NRG2: variants seen among roughly 807,000 people sequenced by gnomAD.
NRG2 encodes the protein neuregulin 2, also known as pro-neuregulin-2, membrane-bound isoform.
Under a neutral mutation model 73.9 loss-of-function variants are expected in NRG2, and 27 were observed. The observed-to-expected ratio is 0.37, with a 90% CI of 0.27 to 0.50. The LOEUF (loss-of-function observed/expected upper bound fraction) is 0.50, where lower values mean the gene tolerates loss of function less well. NRG2 is among the 20% of genes least tolerant of loss of function. The pLI is 0.96. For synonymous variants in NRG2, 532 were observed against 541.0 expected (o/e 0.98, Z 0.23); for missense variants, 1,126 against 1,210.1 (o/e 0.93, Z 1.03).
Position 139,890,152 on chromosome 5 carries a change from G to T in NRG2, c.701-2641C>A, listed in dbSNP as rs181745302. Among the ~76,000 whole-genome samples the T allele has an allele frequency of 1.9e-3, 285 of 152,188 alleles. 1 individual carries two copies. Among genetic ancestry groups the T allele is most frequent in the Middle Eastern group, 6.8e-3 (2 of 294 alleles). On this transcript the variant is annotated intron_variant, in intron 1 of 9. Transcript: ENST00000361474. ...ACTCACCAACACGAGGTATTATCAT[G>T]TCTTTAATCTTTGCCAATTAGCTAG... is the stretch of plus-strand genomic sequence containing the variant.
intron 1 of NRG2, among the ~76,000 whole-genome samples, chr5:139,982,719 T>G (rs1756900679): frequency 6.6e-6 from 1 of 152,172 alleles, no homozygotes; most frequent in East Asian, 1.9e-4. Context: ...TCTTTACAAC[T>G]TTCGGGTGTT....
chr5:140,029,038 C>G (rs534196107), intron 1 of NRG2, among the ~76,000 whole-genome samples: 1 of 152,124 alleles, frequency 6.6e-6, no homozygotes. Context: ...ATGACCTTGT[C>G]GCAACTAGTG....
intron 3 of NRG2, among the ~76,000 whole-genome samples, chr5:139,876,644 A>G (rs1763193370): frequency 6.6e-6 from 1 of 152,060 alleles, no homozygotes; most frequent in Non-Finnish European, 1.5e-5. Flanking sequence ...CCGACTGCCC[A>G]CAAGTGCAGC....
intron 3 of NRG2, among the ~76,000 whole-genome samples, chr5:139,877,106 C>T (rs73791218): frequency 0.062 from 9,378 of 152,194 alleles, 768 homozygotes; most frequent in African/African-American, 0.19. Context: ...GTACAGCCAC[C>T]TCAGGACATT....
chr5:139,910,504 A>AAAAC (rs577987365), intron 1 of NRG2, among the ~76,000 whole-genome samples: 1 of 152,236 alleles, frequency 6.6e-6, no homozygotes, highest in Non-Finnish European at 1.5e-5. Flanking sequence ...CTTCAAAACA[A>AAAAC]AAACAAACAA....
intron 1 of NRG2, among the ~76,000 whole-genome samples, chr5:139,955,761 C>T (rs1176660360): frequency 6.6e-6 from 1 of 152,054 alleles, no homozygotes; most frequent in Admixed American, 6.5e-5. Flanking sequence ...CATGCAAGCC[C>T]AGTGAGTTGA....
intron 1 of NRG2, among the ~76,000 whole-genome samples, chr5:140,002,108 T>C (rs1758534887): frequency 6.6e-6 from 1 of 152,014 alleles, no homozygotes; most frequent in Non-Finnish European, 1.5e-5. Flanking sequence ...CACTTGAGCC[T>C]GGGAGGTCAA....
At chr5:139,849,299 C>A (rs1761251430) in intron 9 of NRG2, among the ~76,000 whole-genome samples, 1 of 152,194 alleles carries the variant, frequency 6.6e-6, no homozygotes, top group Non-Finnish European at 1.5e-5. Flanking sequence ...CCATTAGTCT[C>A]CATTCAGATA....
chr5:139,962,654 C>T (rs989764108), intron 1 of NRG2, among the ~76,000 whole-genome samples: 36 of 152,168 alleles, frequency 2.4e-4, no homozygotes, highest in Non-Finnish European at 3.8e-4. Context: ...GCTTCTTCAT[C>T]CTTCCCAAGC....
chr5:139,905,801 G>C (rs1312441581), intron 1 of NRG2, among the ~76,000 whole-genome samples: 3 of 152,058 alleles, frequency 2.0e-5, no homozygotes, highest in African/African-American at 7.2e-5. Flanking sequence ...AGGGGCCCTG[G>C]GCAGAACCAG....
rs1298154052 is a variant in NRG2, at chr5:139,852,461, G to A, written c.1515C>T (p.Cys505=). 2.5e-6 allele frequency: 4 copies of A among 1,614,020 alleles called. No individual in the cohort carries two copies. The highest frequency in any genetic ancestry group is 3.4e-6 in the Non-Finnish European group (4 of 1,179,966). ...GSHSCSPSHH[C]STATPTSSHR... ...GGCTGGAGGTGGGTGTGGCTGTGGA[G>A]CAGTGGTGAGAAGGAGAACAGGAGT... Residue 505 remains cysteine, a synonymous_variant, in exon 8 of 10, where the codon TGC becomes TGT. Transcript: ENST00000361474. The surrounding 1 kb of genome is among the most constrained non-coding windows in gnomAD (Gnocchi z 4.4).
intron 1 of NRG2, among the ~76,000 whole-genome samples, chr5:140,028,712 TGTCC>T: frequency 6.6e-6 from 1 of 152,288 alleles, no homozygotes; most frequent in Admixed American, 6.5e-5. Context: ...CAAACTGTAA[TGTCC>T]ACAAATTCTT....
intron 1 of NRG2, among the ~76,000 whole-genome samples, chr5:139,925,669 G>C (rs1751997243): frequency 6.6e-6 from 1 of 152,224 alleles, no homozygotes; most frequent in Non-Finnish European, 1.5e-5. Context: ...ACTGAGAGAG[G>C]GGAAAAGCAG....
chr5:139,957,717 C>A (rs968606605), intron 1 of NRG2, among the ~76,000 whole-genome samples: 18 of 152,162 alleles, frequency 1.2e-4, no homozygotes, highest in African/African-American at 4.1e-4. Flanking sequence ...CGAGGAAGAG[C>A]AATTGAAAGA....
At chr5:139,950,332 A>C (rs916252804) in intron 1 of NRG2, among the ~76,000 whole-genome samples, 1 of 152,224 alleles carries the variant, frequency 6.6e-6, no homozygotes, top group Non-Finnish European at 1.5e-5. Flanking sequence ...GCTGGCATAC[A>C]GTGCTGGAAA....
intron 1 of NRG2, among the ~76,000 whole-genome samples, chr5:139,949,411 G>A (rs561075279): frequency 2.0e-5 from 3 of 152,152 alleles, no homozygotes; most frequent in South Asian, 2.1e-4. Context: ...GATGAGTAAT[G>A]GAGTGTGACC....
rs191009419 is a variant in NRG2 at position 139,996,900 on chromosome 5, G to A, written c.700+45470C>T. ...TATAATCCCAGCACTCTGGGAAGCC[G>A]ATGGGGGTGGGGGGCAGATTGCTTG... On this transcript the variant is annotated intron_variant, in intron 1 of 9. Transcript: ENST00000361474. Among the ~76,000 whole-genome samples, 267 of 152,232 alleles carry A rather than the reference G, an allele frequency of 1.8e-3. 2 individuals carry two copies. The highest frequency in any genetic ancestry group is 5.6e-3 in the African/African-American group (233 of 41,542).
chr5:139,852,844 G>A lies in NRG2; in HGVS notation c.1416+60C>T. On this transcript the variant is annotated intron_variant, in intron 7 of 9. Coordinates refer to ENST00000361474, the MANE Select transcript of NRG2 (RefSeq NM_004883.3). The surrounding 1 kb of genome is among the most constrained non-coding windows in gnomAD (Gnocchi z 4.4). ...CTGCCCTGGCCCATCCTTGCAGGGG[G>A]CATGAGAAGGCTGGCTGTCCACTGA... 1.2e-6 allele frequency: 2 copies of A among 1,606,062 alleles called. No individual in the cohort carries two copies. Among genetic ancestry groups the A allele is most frequent in the Non-Finnish European group, 1.7e-6 (2 of 1,177,808 alleles).
At chr5:139,889,780 A>C (rs565921602) in intron 1 of NRG2, among the ~76,000 whole-genome samples, 21 of 152,270 alleles carry the variant, frequency 1.4e-4, no homozygotes, top group African/African-American at 4.8e-4. Context: ...AGACTTTGCT[A>C]CTTGTTAGAT....
Sources: gnomAD v4.1 joint callset for allele counts (sites outside exome capture counted in the v4.1 genomes callset) on GRCh38, gnomAD v4.1.1 for gene constraint, Gnocchi (gnomAD v3.1) non-coding constraint, MANE v1.5 for transcripts, NCBI Gene and HGNC (gene_info 2026-07-23, HGNC 2026-07-21) for gene names.